UBASH3A: variants seen among roughly 807,000 people sequenced by gnomAD.
UBASH3A encodes ubiquitin associated and SH3 domain containing A.
UBASH3A carries 63 observed loss-of-function variants against 73.5 expected under a neutral mutation model. That is an observed-to-expected ratio of 0.86 (90% CI 0.70 to 1.06). UBASH3A has a LOEUF of 1.06. Among genes scored for constraint, UBASH3A ranks in the 50% least tolerant of loss-of-function variants. The pLI is 0.00. For missense variants in UBASH3A, 860 were observed against 859.0 expected, an observed-to-expected ratio of 1.00 and a Z score of -0.02; for synonymous variants, 363 against 351.1, an observed-to-expected ratio of 1.03 and a Z score of -0.38.
intron 9 of UBASH3A, among the ~76,000 whole-genome samples, chr21:42,432,481 G>C (rs188602584): frequency 7.2e-6 from 1 of 138,134 alleles, no homozygotes; most frequent in Non-Finnish European, 1.6e-5. Flanking sequence ...TCTTGAACAT[G>C]CCTCTTGCAC....
chr21:42,421,381 A>T (rs1019870427), intron 7 of UBASH3A, among the ~76,000 whole-genome samples: 2 of 152,148 alleles, frequency 1.3e-5, no homozygotes, highest in African/African-American at 4.8e-5. Context: ...AGCCTGGAAA[A>T]ACACCATCGT....
Position 42,434,912 on chromosome 21 carries a change from C to A in UBASH3A, c.1351C>A (p.Pro451Thr), listed in dbSNP as rs1447511079. The change falls in exon 10 of 15, where the codon CCC becomes ACC. Residue 451 changes from proline to threonine, a missense_variant. Pro to Thr is a conservative substitution (Grantham distance 38). Transcript: ENST00000319294. ...SRGIKDFEND[P>T]PLSSCGIFQS... ...TGGGATCAAAGACTTTGAAAACGAT[C>A]CCCCATTATCATCGTGTGGCATTTT... The A allele has an allele frequency of 3.7e-6, 6 of 1,614,072 alleles. No individual in the cohort carries two copies. The highest frequency in any genetic ancestry group is 1.3e-5 in the African/African-American group (1 of 74,934).
chr21:42,444,390 G>A lies in UBASH3A; in HGVS notation c.1739-144G>A. The A allele has an allele frequency of 4.3e-6, 3 of 692,192 alleles. No homozygotes were observed. In the South Asian group the frequency reaches 5.0e-5, roughly 11 times the overall value. The allele number at this position is 692,192 out of a possible 1,614,324, so 42.9% of individuals were successfully genotyped here. A position where few individuals can be genotyped will look rare whatever the true frequency, so the allele number is the denominator to read the frequency against. On this transcript the variant is annotated intron_variant, in intron 13 of 14. Coordinates refer to ENST00000319294, the MANE Select transcript of UBASH3A (RefSeq NM_018961.4). ...CGCAGGCATCACTGAGCGGTTACCAGCCACACTACTTCTAGCCCGGGGGTC... is the reference window on the plus strand; with the variant it reads ...CGCAGGCATCACTGAGCGGTTACCAACCACACTACTTCTAGCCCGGGGGTC...
chr21:42,442,012 G>A (rs1445358739), intron 11 of UBASH3A, among the ~76,000 whole-genome samples: 2 of 152,188 alleles, frequency 1.3e-5, no homozygotes, highest in Admixed American at 6.5e-5. Context: ...GTCTGTGTAA[G>A]TGTTTATCAG....
intron 8 of UBASH3A, among the ~76,000 whole-genome samples, chr21:42,427,407 C>A (rs1356756434): frequency 6.6e-6 from 1 of 152,198 alleles, no homozygotes; most frequent in East Asian, 1.9e-4. Context: ...AGGGGCTGTA[C>A]CTGCTGCTGG....
At chr21:42,420,391 GA>G (rs1477146323) in intron 7 of UBASH3A, among the ~76,000 whole-genome samples, 1 of 151,958 alleles carries the variant, frequency 6.6e-6, no homozygotes, top group African/African-American at 2.4e-5. Flanking sequence ...TTTTTTAATT[GA>G]TTAATCTTTT....
intron 9 of UBASH3A, among the ~76,000 whole-genome samples, chr21:42,434,006 C>T (rs887496627): frequency 3.3e-5 from 5 of 152,076 alleles, no homozygotes; most frequent in Non-Finnish European, 7.4e-5. Flanking sequence ...AATGTGAAGG[C>T]AAACCAGAGT....
At chr21:42,435,373 A>G (rs1450843152) in intron 10 of UBASH3A, 1 of 157,952 alleles carries the variant, frequency 6.3e-6, no homozygotes, top group Non-Finnish European at 1.4e-5. Flanking sequence ...GACTGAGTTT[A>G]TGTAAACAGA....
rs370679753 is a variant in UBASH3A, at chr21:42,432,098, C to G, written c.1171-5C>G. 11 of 1,607,014 alleles carry G rather than the reference C, an allele frequency of 6.8e-6. No homozygotes were observed. The highest frequency in any genetic ancestry group is 1.3e-5 in the African/African-American group (1 of 74,768). ...ATGTGCCTTGCTTCCTGCCCCACCC[C>G]CCAGGCTACCGTTGCAAGGAAGAGC... On this transcript the variant is annotated splice_region_variant and splice_polypyrimidine_tract_variant and intron_variant, in intron 8 of 14. Coordinates refer to ENST00000319294, the MANE Select transcript of UBASH3A (RefSeq NM_018961.4).
chr21:42,431,331 G>T (rs1311565538), intron 8 of UBASH3A, among the ~76,000 whole-genome samples: 1 of 152,204 alleles, frequency 6.6e-6, no homozygotes, highest in Non-Finnish European at 1.5e-5. Context: ...CTTCCCCAAA[G>T]CACAGGCTCC....
chr21:42,413,401 C>T lies in UBASH3A; in HGVS notation c.554-9C>T. ...TCCGGGCTCAGTGGCTGCACCTGTCCTCACCCAGGCACTTCCGTTTCCCGC... is the reference window on the plus strand; with the variant it reads ...TCCGGGCTCAGTGGCTGCACCTGTCTTCACCCAGGCACTTCCGTTTCCCGC... On this transcript the variant is annotated splice_polypyrimidine_tract_variant and intron_variant, in intron 4 of 14. Transcript: ENST00000319294. The surrounding 1 kb of genome is among the most constrained non-coding windows in gnomAD (Gnocchi z 4.5). 4 of 1,609,324 alleles carry T rather than the reference C, an allele frequency of 2.5e-6. No individual in the cohort carries two copies. Among genetic ancestry groups the T allele is most frequent in the Non-Finnish European group, 3.4e-6 (4 of 1,177,330 alleles).
intron 10 of UBASH3A, among the ~76,000 whole-genome samples, chr21:42,435,773 A>G (rs1490232412): frequency 6.6e-6 from 1 of 151,982 alleles, no homozygotes; most frequent in Non-Finnish European, 1.5e-5. Flanking sequence ...AGTTAGTTAT[A>G]GAGTTATAGA....
rs111912516 is a variant in UBASH3A at position 42,443,252 on chromosome 21, G to A, written c.1632-60G>A. The A allele has an allele frequency of 3.9e-5, 60 of 1,531,996 alleles. No individual in the cohort carries two copies. In the African/African-American group the frequency reaches 5.9e-4, roughly 15 times the overall value. The allele number at this position is 1,531,996 out of a possible 1,614,324, so 94.9% of individuals were successfully genotyped here. A position where few individuals can be genotyped will look rare whatever the true frequency, so the allele number is the denominator to read the frequency against. On this transcript the variant is annotated intron_variant, in intron 12 of 14. Coordinates refer to ENST00000319294, the MANE Select transcript of UBASH3A (RefSeq NM_018961.4). ...TCTCCTTCCCCAGCTAACTGCAGCT[G>A]AGCCTTCCTAATCCCTACGAAAGTG...
At chr21:42,440,404 T>C (rs2053720768) in intron 11 of UBASH3A, among the ~76,000 whole-genome samples, 1 of 152,224 alleles carries the variant, frequency 6.6e-6, no homozygotes, top group African/African-American at 2.4e-5. Flanking sequence ...TTAGGATCAA[T>C]GTATTTATAA....
rs190291371 is a variant in UBASH3A, at chr21:42,410,147, C to A, written c.354+539C>A. The A allele has an allele frequency of 4.3e-3, 3,008 of 702,238 alleles. 33 individuals are homozygous for A. The highest frequency in any genetic ancestry group is 3.7e-3 in the Non-Finnish European group (1,406 of 384,984). 43.5% of individuals were successfully genotyped at this position (702,238 alleles called of 1,614,324 possible). On this transcript the variant is annotated intron_variant, in intron 3 of 14. Transcript: ENST00000319294. ...GCCGTCTGATTCAGAAAAAAAATGG[C>A]CCAGTGGGTAGCTCCACAGCAAAAC... is the stretch of plus-strand genomic sequence containing the variant.
chr21:42,405,114 T>A (rs533185390), intron 1 of UBASH3A, among the ~76,000 whole-genome samples: 5 of 152,244 alleles, frequency 3.3e-5, no homozygotes, highest in African/African-American at 1.2e-4. Context: ...TTGGCCAAAT[T>A]GGGTGAAGTA....
At chr21:42,430,364 T>C (rs1354535628) in intron 8 of UBASH3A, among the ~76,000 whole-genome samples, 3 of 152,154 alleles carry the variant, frequency 2.0e-5, no homozygotes, top group East Asian at 1.9e-4. Context: ...TCTCTAGGAT[T>C]TGGAGGGAAT....
chr21:42,437,460 A>G, intron 10 of UBASH3A, 28 bp from the exon 11 acceptor site: 2 of 1,603,870 alleles, frequency 1.2e-6, no homozygotes, highest in Admixed American at 3.3e-5. Context: ...ATGAAGGGGC[A>G]TTTTCTGCCT....
chr21:42,423,155 C>T (rs2053371185), intron 7 of UBASH3A, among the ~76,000 whole-genome samples: 1 of 152,192 alleles, frequency 6.6e-6, no homozygotes. Context: ...GCTGTGAGCT[C>T]CCAGCTCCGA....
Sources: allele counts gnomAD v4.1 joint callset (sites outside exome capture counted in the v4.1 genomes callset), GRCh38; gene constraint gnomAD v4.1.1; non-coding constraint Gnocchi (gnomAD v3.1); transcripts MANE v1.5; gene names NCBI Gene and HGNC (gene_info 2026-07-23, HGNC 2026-07-21).